Variants in COG5 observed in about 807,000 individuals in gnomAD.
COG5 encodes conserved oligomeric Golgi complex subunit 5.
A neutral mutation model predicts 110.4 loss-of-function variants in COG5; 86 were observed. The observed-to-expected ratio is 0.78, with a 90% CI of 0.65 to 0.93. The LOEUF is 0.93. COG5 is among the 40% of genes least tolerant of loss of function. The probability of loss-of-function intolerance (pLI) is 0.00; values close to 1 mark genes in which losing one functional copy is unlikely to be tolerated. For synonymous variants in COG5, 360 were observed against 334.6 expected (o/e 1.08, Z -0.83); for missense variants, 1,077 against 987.0 (o/e 1.09, Z -1.22).
chr7:107,508,936 A>T (rs1446008800), intron 6 of COG5, among the ~76,000 whole-genome samples: 2 of 152,220 alleles, frequency 1.3e-5, no homozygotes, highest in Non-Finnish European at 1.5e-5. Flanking sequence ...ATAAAGCCAC[A>T]AAGATGGGAA....
intron 10 of COG5, among the ~76,000 whole-genome samples, chr7:107,342,348 G>C (rs980094247): frequency 7.4e-6 from 1 of 134,788 alleles, no homozygotes; most frequent in African/African-American, 2.8e-5. Flanking sequence ...TTATAAAAGA[G>C]TCAAAACAAA....
At chr7:107,523,746 C>T (rs1221770176) in intron 6 of COG5, among the ~76,000 whole-genome samples, 3 of 151,194 alleles carry the variant, frequency 2.0e-5, no homozygotes, top group Non-Finnish European at 2.9e-5. Context: ...ACCCGGGAGG[C>T]GGAGGTTGCC....
chr7:107,548,417 C>T, intron 3 of COG5, 85 bp from the exon 4 acceptor site: 1 of 1,267,798 alleles, frequency 7.9e-7, no homozygotes, highest in Non-Finnish European at 1.2e-6. Flanking sequence ...AAAATACATG[C>T]ATATATAATT....
intron 6 of COG5, among the ~76,000 whole-genome samples, chr7:107,431,791 G>A (rs1310070489): frequency 2.0e-5 from 3 of 151,992 alleles, no homozygotes; most frequent in Non-Finnish European, 4.4e-5. Flanking sequence ...ACGTAGCTGG[G>A]ACCACAGGCA....
intron 6 of COG5, among the ~76,000 whole-genome samples, chr7:107,502,385 T>C (rs1798692902): frequency 6.6e-6 from 1 of 152,158 alleles, no homozygotes; most frequent in South Asian, 2.1e-4. Context: ...GGTGTGTATA[T>C]ACATATACAT....
At chr7:107,298,532 G>A (rs1806964791) in intron 11 of COG5, among the ~76,000 whole-genome samples, 186 bp from the exon 12 acceptor site, 1 of 151,980 alleles carries the variant, frequency 6.6e-6, no homozygotes, top group Admixed American at 6.6e-5. Flanking sequence ...TGCATTTGAT[G>A]TGCAGGTCAT....
chr7:107,526,910 T>C (rs540978724), intron 6 of COG5, among the ~76,000 whole-genome samples: 1 of 152,196 alleles, frequency 6.6e-6, no homozygotes, highest in African/African-American at 2.4e-5. Context: ...CGTGAAGGGA[T>C]AATGAGGGAA....
At chr7:107,357,380 T>C (rs959764810) in intron 10 of COG5, among the ~76,000 whole-genome samples, 26 of 152,160 alleles carry the variant, frequency 1.7e-4, no homozygotes, top group South Asian at 4.1e-4. Context: ...ATAGGTACAC[T>C]GAATTCCAAG....
At chr7:107,335,700 A>T (rs570595415) in intron 10 of COG5, among the ~76,000 whole-genome samples, 1 of 152,236 alleles carries the variant, frequency 6.6e-6, no homozygotes, top group South Asian at 2.1e-4. Context: ...AAGAAACAAG[A>T]CTCAACTATA....
chr7:107,211,881 G>C (rs1323358609), intron 19 of COG5, among the ~76,000 whole-genome samples: 1 of 152,166 alleles, frequency 6.6e-6, no homozygotes, highest in Non-Finnish European at 1.5e-5. Context: ...TATTTGAACT[G>C]TTATTGGCTT....
intron 6 of COG5, among the ~76,000 whole-genome samples, chr7:107,493,098 T>C (rs1798070529): frequency 6.6e-6 from 1 of 152,128 alleles, no homozygotes; most frequent in Admixed American, 6.6e-5. Context: ...TAAAAAGGGT[T>C]TGCAGGAGTG....
chr7:107,491,755 G>T (rs1238139374), intron 6 of COG5, among the ~76,000 whole-genome samples: 1 of 152,112 alleles, frequency 6.6e-6, no homozygotes, highest in Non-Finnish European at 1.5e-5. Context: ...ACATGATTTT[G>T]AAGAAGCAGC....
chr7:107,407,617 C>CTT (rs1212163892), intron 7 of COG5, among the ~76,000 whole-genome samples: 23 of 128,712 alleles, frequency 1.8e-4, no homozygotes, highest in African/African-American at 5.6e-4. Context: ...TAAGCATCTT[C>CTT]TTTTTTTTTT....
intron 11 of COG5, among the ~76,000 whole-genome samples, chr7:107,309,908 C>T (rs1035000893): frequency 2.6e-5 from 4 of 152,118 alleles, no homozygotes; most frequent in Admixed American, 2.6e-4. Flanking sequence ...CCCCTCTCTC[C>T]CAAGGACTGG....
At chr7:107,212,322 A>C (rs1175906268) in intron 19 of COG5, among the ~76,000 whole-genome samples, 1 of 152,238 alleles carries the variant, frequency 6.6e-6, no homozygotes, top group African/African-American at 2.4e-5. Flanking sequence ...TAAAGCTCCA[A>C]ACCAGACATT....
intron 6 of COG5, among the ~76,000 whole-genome samples, chr7:107,509,700 T>A (rs1180947492): frequency 7.3e-5 from 11 of 149,660 alleles, no homozygotes; most frequent in Admixed American, 4.7e-4. Context: ...AGCGGATCTC[T>A]CGGCAGAAAC....
At chr7:107,409,230 GA>G (rs11366303) in intron 7 of COG5, among the ~76,000 whole-genome samples, 46,600 of 104,820 alleles carry the variant, frequency 0.44, 8,625 homozygotes, top group African/African-American at 0.53. Flanking sequence ...CAACGTCAAG[GA>G]AAAAAAAAAA....
chr7:107,242,182 A>AC (rs34084207), intron 17 of COG5, among the ~76,000 whole-genome samples: 1 of 152,184 alleles, frequency 6.6e-6, no homozygotes, highest in Non-Finnish European at 1.5e-5. Flanking sequence ...AGAGGAACAG[A>AC]CCCCTTCAAC....
intron 17 of COG5, among the ~76,000 whole-genome samples, chr7:107,247,732 T>C (rs1009238645): frequency 3.9e-5 from 6 of 152,156 alleles, no homozygotes; most frequent in Non-Finnish European, 2.9e-5. Flanking sequence ...TCTGTAAATA[T>C]TGGATTAGGA....
Sources: gnomAD v4.1 joint callset for allele counts (sites outside exome capture counted in the v4.1 genomes callset) on GRCh38, gnomAD v4.1.1 for gene constraint, MANE v1.5 for transcripts, NCBI Gene and HGNC (gene_info 2026-07-23, HGNC 2026-07-21) for gene names.